The following MUC22 variants were observed in gnomAD, a reference collection of about 807,000 sequenced individuals.
The protein encoded by MUC22 is mucin 22.
In MUC22, 24 loss-of-function variants were observed where a neutral mutation model predicts 40.3. The observed-to-expected ratio is 0.60, with a 90% CI of 0.43 to 0.84. The LOEUF (loss-of-function observed/expected upper bound fraction) is 0.84, where lower values mean the gene tolerates loss of function less well. Ranked by LOEUF, MUC22 falls within the 40% of genes least tolerant of loss-of-function variation. The probability of loss-of-function intolerance (pLI) is 0.00; values close to 1 mark genes in which losing one functional copy is unlikely to be tolerated. For synonymous variants in MUC22, 765 were observed against 844.5 expected (o/e 0.91, Z 1.63); for missense variants, 1,926 against 2,130.7 (o/e 0.90, Z 1.89).
At chr6:31,024,574 C>A (rs987323538) in intron 1 of MUC22, among the ~76,000 whole-genome samples, 22 of 151,750 alleles carry the variant, frequency 1.4e-4, no homozygotes, top group Non-Finnish European at 2.9e-4. Context: ...CTGAGTATAC[C>A]CCTGTCAGCA....
intron 1 of MUC22, among the ~76,000 whole-genome samples, chr6:31,024,061 G>C (rs544841593): frequency 7.2e-5 from 11 of 152,244 alleles, no homozygotes; most frequent in African/African-American, 2.4e-4. Flanking sequence ...AATAACATGA[G>C]CCTAATCATG....
In MUC22 at chr6:31,032,228, T is replaced by A. The variant is rs72502540; in HGVS notation, c.4702T>A (p.Ser1568Thr). Residue 1568 changes from serine to threonine, a missense_variant, in exon 3 of 4, where the codon TCC becomes ACC. Ser to Thr is a moderately conservative substitution (Grantham distance 58). This residue lies in a region of MUC22 where 610 missense variants were observed against 714.6 expected (regional missense o/e 0.85). Coordinates refer to ENST00000561890, the Ensembl canonical transcript of MUC22. This position sits in a 1 kb window ranked among gnomAD's most constrained non-coding sequence, Gnocchi z 4.1. ...AACCACTGGAACCAGACTCACTGCC[T>A]CCAGCTCTGTCACCATGGCCCCTGG... 9,737 of 1,535,500 alleles carry A rather than the reference T, an allele frequency of 6.3e-3. 251 individuals are homozygous for A. Among genetic ancestry groups the A allele is most frequent in the South Asian group, 0.044 (3,669 of 84,040 alleles).
At chr6:31,012,866 G>A (rs1179801400) in intron 1 of MUC22, among the ~76,000 whole-genome samples, 2 of 151,870 alleles carry the variant, frequency 1.3e-5, no homozygotes. Context: ...ACCTTTCTTG[G>A]GTCCTTTCCA....
Position 31,017,601 on chromosome 6 carries a change from A to G in MUC22, c.70+6825A>G, listed in dbSNP as rs144548288. Reference sequence around the variant, plus strand: ...TCGCTCAAGGTTTGTAAACATACCAATCAGCACCCTGTGTATAGCTCAAGG... The same window carrying G: ...TCGCTCAAGGTTTGTAAACATACCAGTCAGCACCCTGTGTATAGCTCAAGG... On this transcript the variant is annotated intron_variant, in intron 1 of 3. Coordinates refer to ENST00000561890, the Ensembl canonical transcript of MUC22. Among the ~76,000 whole-genome samples, 416 of 152,302 alleles carry G rather than the reference A, an allele frequency of 2.7e-3. 11 individuals carry two copies. In the South Asian group the frequency reaches 0.058, roughly 21 times the overall value.
chr6:31,022,724 G>A (rs1764964141), intron 1 of MUC22, among the ~76,000 whole-genome samples: 1 of 152,160 alleles, frequency 6.6e-6, no homozygotes, highest in African/African-American at 2.4e-5. Context: ...GAAGAGGAAT[G>A]AGCTCACTGG....
At chr6:31,025,655 C>G (rs1246272866) in exon 2 of MUC22, 1 of 1,533,288 alleles carries the variant, frequency 6.5e-7, no homozygotes, top group Admixed American at 2.0e-5. Flanking sequence ...GGCTCTGAGA[C>G]AACCTCAGCC....
chr6:31,017,204 C>T lies in MUC22; in HGVS notation c.70+6428C>T, dbSNP rs911258929. 4.6e-5 allele frequency among the ~76,000 whole-genome samples: 7 copies of T among 152,232 alleles called. No individual in the cohort carries two copies. The East Asian group carries it at 5.8e-4, about 13-fold the overall frequency. ...GTACTGGCGCACGGCGTGGGACTGA[C>T]GGGCAGCTCCATCTGCGGCCCAGGT... On this transcript the variant is annotated intron_variant, in intron 1 of 3. Transcript: ENST00000561890.
At chr6:31,016,075 T>A (rs1488062037) in intron 1 of MUC22, among the ~76,000 whole-genome samples, 2 of 151,974 alleles carry the variant, frequency 1.3e-5, no homozygotes, top group East Asian at 1.9e-4. Flanking sequence ...TTGAGGTTTT[T>A]TTTTTTCAAA....
intron 1 of MUC22, among the ~76,000 whole-genome samples, chr6:31,021,881 C>T (rs114175075): frequency 0.023 from 3,516 of 150,740 alleles, 66 homozygotes; most frequent in Non-Finnish European, 0.026. Flanking sequence ...TGTTCTTTTG[C>T]TCTTTGCAAT....
exon 4 of MUC22, chr6:31,035,284 C>T: frequency 3.4e-6 from 1 of 292,340 alleles, no homozygotes; most frequent in East Asian, 6.0e-5. Flanking sequence ...TCTTCTCTCC[C>T]ATTTCCCGCC....
chr6:31,018,265 G>C (rs1387833600), intron 1 of MUC22, among the ~76,000 whole-genome samples: 2 of 152,226 alleles, frequency 1.3e-5, no homozygotes, highest in African/African-American at 2.4e-5. Context: ...CCAAGTGCTT[G>C]AGTGGAAGGA....
At chr6:31,025,921 G>C in exon 2 of MUC22, 2 of 1,535,278 alleles carry the variant, frequency 1.3e-6, no homozygotes, top group East Asian at 2.4e-5. Context: ...TGCAGGCTCT[G>C]AGAAAACGAT....
exon 2 of MUC22, chr6:31,026,119 A>G (rs1349434151): frequency 4.6e-6 from 7 of 1,530,146 alleles, no homozygotes; most frequent in Non-Finnish European, 6.1e-6. Flanking sequence ...CACTACCTCC[A>G]CCTCCATGGC....
chr6:31,006,044 T>G, upstream of MUC22: 2 of 270,462 alleles, frequency 7.4e-6, no homozygotes, highest in South Asian at 6.0e-5. Flanking sequence ...GAAGTGGAGG[T>G]TGCAGTGAGC....
At chr6:31,031,188 G>A (rs1020784681) in intron 2 of MUC22, among the ~76,000 whole-genome samples, 2 of 152,122 alleles carry the variant, frequency 1.3e-5, no homozygotes, top group Admixed American at 6.6e-5. Flanking sequence ...TACCTAAGCC[G>A]CCACCACCGC....
intron 1 of MUC22, among the ~76,000 whole-genome samples, chr6:31,021,977 A>C (rs961386148): frequency 1.3e-5 from 2 of 152,064 alleles, no homozygotes; most frequent in African/African-American, 2.4e-5. Context: ...TTCACTCCTG[A>C]AGCCAGCGAG....
intron 1 of MUC22, among the ~76,000 whole-genome samples, chr6:31,021,081 G>C (rs910461679): frequency 2.0e-5 from 3 of 152,234 alleles, no homozygotes; most frequent in African/African-American, 2.4e-5. Context: ...CAGTCCCACC[G>C]ACCGCCCACG....
exon 4 of MUC22, chr6:31,035,338 C>G: frequency 4.7e-6 from 1 of 211,798 alleles, no homozygotes; most frequent in East Asian, 1.1e-4. Context: ...CCTCATGGTG[C>G]TATAAATATT....
chr6:31,022,854 G>A (rs115428009), intron 1 of MUC22, among the ~76,000 whole-genome samples: 1,810 of 152,334 alleles, frequency 0.012, 12 homozygotes, highest in Middle Eastern at 0.058. Flanking sequence ...TCAGGTCATG[G>A]TGCAGCGGTT....
Sources: gnomAD v4.1 joint callset for allele counts (sites outside exome capture counted in the v4.1 genomes callset) on GRCh38, gnomAD v4.1.1 for gene constraint, gnomAD v4.1.1 regional missense constraint, Gnocchi (gnomAD v3.1) non-coding constraint, MANE v1.5 for transcripts, NCBI Gene and HGNC (gene_info 2026-07-23, HGNC 2026-07-21) for gene names.